NETO1: variants seen among roughly 807,000 people sequenced by gnomAD.
NETO1 encodes neuropilin and tolloid like 1.
NETO1 carries 26 observed loss-of-function variants against 61.3 expected under a neutral mutation model. The observed-to-expected ratio is 0.42, with a 90% CI of 0.31 to 0.59. The LOEUF (loss-of-function observed/expected upper bound fraction) is 0.59, where lower values mean the gene tolerates loss of function less well. Ranked by LOEUF, NETO1 falls within the 20% of genes least tolerant of loss-of-function variation. The pLI is 0.12. For synonymous variants in NETO1, 225 were observed against 225.8 expected (o/e 1.00, Z 0.03); for missense variants, 531 against 662.8 (o/e 0.80, Z 2.18).
At chr18:72,851,067 G>A (rs144254465) in intron 4 of NETO1, among the ~76,000 whole-genome samples, 444 of 152,254 alleles carry the variant, frequency 2.9e-3, no homozygotes, top group African/African-American at 9.8e-3. Flanking sequence ...GAAAGGAACC[G>A]GCATCACAGG....
intron 3 of NETO1, 123 bp downstream of exon 3, chr18:72,864,685 T>G (rs951974881): frequency 8.0e-7 from 1 of 1,242,770 alleles, no homozygotes; most frequent in Admixed American, 2.2e-5. Context: ...ACTCAAGAGA[T>G]ATTTTTGCGC....
At position 72,867,205 on chromosome 18, in the gene NETO1, G is replaced by A. The variant is rs1015110069; in HGVS notation, c.28+59C>T. ...GGCTTTTCCTGCGCGTTCGGCCCCG[G>A]GAAAGGGGCGGGAGGGCTGGCTCCG... On this transcript the variant is annotated intron_variant, in intron 1 of 10. Transcript: ENST00000327305. 79 of 1,357,040 alleles carry A rather than the reference G, an allele frequency of 5.8e-5. No individual in the cohort carries two copies. In the Admixed American group the frequency reaches 1.7e-3, roughly 29 times the overall value. 84.1% of individuals were successfully genotyped at this position (1,357,040 alleles called of 1,614,324 possible).
chr18:72,821,571 A>AAAAC (rs1555693464), intron 4 of NETO1, among the ~76,000 whole-genome samples: 55 of 150,652 alleles, frequency 3.7e-4, no homozygotes, highest in African/African-American at 1.1e-3. Context: ...AAAAAAAAAA[A>AAAAC]AAAAAAGGAA....
intron 4 of NETO1, among the ~76,000 whole-genome samples, chr18:72,858,273 C>T (rs2074465130): frequency 6.6e-6 from 1 of 152,138 alleles, no homozygotes; most frequent in South Asian, 2.1e-4. Flanking sequence ...CACACAATTT[C>T]TGCAAGACCT....
chr18:72,748,435 G>A, intron 10 of NETO1: 1 of 277,546 alleles, frequency 3.6e-6, no homozygotes, highest in Non-Finnish European at 5.5e-6. Context: ...TGGGATTAAT[G>A]AAACCTTTTG....
intron 1 of NETO1, among the ~76,000 whole-genome samples, chr18:72,866,355 T>G (rs2074732068): frequency 6.6e-6 from 1 of 152,204 alleles, no homozygotes; most frequent in African/African-American, 2.4e-5. Flanking sequence ...TGTGTTACTT[T>G]ATGCTCTAGC....
intron 4 of NETO1, among the ~76,000 whole-genome samples, chr18:72,852,494 C>T (rs8094708): frequency 0.16 from 23,643 of 152,172 alleles, 2,846 homozygotes; most frequent in African/African-American, 0.32. Flanking sequence ...GGATTACAGG[C>T]GTGAGCCACC....
At chr18:72,786,935 G>A (rs73469685) in intron 6 of NETO1, among the ~76,000 whole-genome samples, 2,555 of 151,084 alleles carry the variant, frequency 0.017, 66 homozygotes, top group African/African-American at 0.058. Flanking sequence ...AACAAAAAAG[G>A]CTGGAGCAAA....
At position 72,745,673 on chromosome 18, in the gene NETO1, G is replaced by A. The variant is rs919826154; in HGVS notation, c.*2506C>T. ...TAAGGTCTGATATAGCTACTAAATC[G>A]TTTTTGATATATTGACAAATTTCAA... On this transcript the variant is annotated 3_prime_UTR_variant, in exon 11 of 11. Coordinates refer to ENST00000327305, the MANE Select transcript of NETO1 (RefSeq NM_138966.5). The A allele has an allele frequency of 3.3e-5, 5 of 152,116 alleles. No homozygotes were observed. The highest frequency in any genetic ancestry group is 9.7e-5 in the African/African-American group (4 of 41,434). 9.4% of individuals were successfully genotyped at this position (152,116 alleles called of 1,614,324 possible). A position where few individuals can be genotyped will look rare whatever the true frequency, so the allele number is the denominator to read the frequency against.
At chr18:72,792,205 G>A (rs1184252298) in intron 6 of NETO1, among the ~76,000 whole-genome samples, 1 of 152,120 alleles carries the variant, frequency 6.6e-6, no homozygotes, top group African/African-American at 2.4e-5. Context: ...GCCGATGTGG[G>A]CAGATCACCT....
Position 72,790,760 on chromosome 18 carries a change from C to T in NETO1, c.639+3357G>A, listed in dbSNP as rs1454362361. Reference sequence around the variant, plus strand: ...CTTAATCCTGTTTCATGTGACAGTCCTTCAAATGTTTGAAGATTGCTGCCA... The same window carrying T: ...CTTAATCCTGTTTCATGTGACAGTCTTTCAAATGTTTGAAGATTGCTGCCA... On this transcript the variant is annotated intron_variant, in intron 6 of 10. Coordinates refer to ENST00000327305, the MANE Select transcript of NETO1 (RefSeq NM_138966.5). 3.3e-5 allele frequency among the ~76,000 whole-genome samples: 5 copies of T among 152,136 alleles called. No individual in the cohort carries two copies. In the East Asian group the frequency reaches 9.6e-4, roughly 29 times the overall value.
At chr18:72,853,992 G>A (rs148764955) in intron 4 of NETO1, among the ~76,000 whole-genome samples, 3,003 of 152,066 alleles carry the variant, frequency 0.02, 100 homozygotes, top group African/African-American at 0.066. Flanking sequence ...GAAAAATATT[G>A]CACCGAATAT....
In NETO1 at chr18:72,755,151, A is replaced by C. The variant is rs189227051; in HGVS notation, c.982+883T>G. The stretch of plus-strand genomic sequence containing the variant: ...ATAGGGCAAAACAAAGCCAGTGGTG[A>C]CCACGAATTATTAACAGGTCTGCAA... On this transcript the variant is annotated intron_variant, in intron 8 of 10. Coordinates refer to ENST00000327305, the MANE Select transcript of NETO1 (RefSeq NM_138966.5). Among the ~76,000 whole-genome samples, 1,383 of 152,346 alleles carry C rather than the reference A, an allele frequency of 9.1e-3. 16 individuals carry two copies. Among genetic ancestry groups the C allele is most frequent in the African/African-American group, 0.031 (1,302 of 41,584 alleles).
At chr18:72,821,924 TAC>T (rs1028654983) in intron 4 of NETO1, among the ~76,000 whole-genome samples, 1 of 152,200 alleles carries the variant, frequency 6.6e-6, no homozygotes, top group Non-Finnish European at 1.5e-5. Flanking sequence ...TCAACTGGGT[TAC>T]AGACTTGGCT....
intron 4 of NETO1, among the ~76,000 whole-genome samples, chr18:72,798,981 C>T (rs143698635): frequency 2.3e-3 from 354 of 152,270 alleles, no homozygotes; most frequent in African/African-American, 8.2e-3. Flanking sequence ...ACAACTTCAG[C>T]GTTATTTAAA....
intron 7 of NETO1, among the ~76,000 whole-genome samples, chr18:72,769,688 A>G (rs990477701): frequency 3.9e-5 from 6 of 152,162 alleles, no homozygotes; most frequent in African/African-American, 1.4e-4. Flanking sequence ...TATATAATAG[A>G]TGACATGTAT....
intron 3 of NETO1, among the ~76,000 whole-genome samples, chr18:72,860,967 C>T (rs557077050): frequency 1.3e-5 from 2 of 152,194 alleles, no homozygotes; most frequent in South Asian, 2.1e-4. Flanking sequence ...CAAATTATTT[C>T]GGATTGTAGG....
chr18:72,757,636 A>G (rs1312698117), intron 7 of NETO1, among the ~76,000 whole-genome samples: 2 of 152,166 alleles, frequency 1.3e-5, no homozygotes, highest in Admixed American at 6.5e-5. Context: ...AAAAAAAAGT[A>G]TCACGCTTAA....
intron 7 of NETO1, among the ~76,000 whole-genome samples, chr18:72,780,783 T>C (rs1395111942): frequency 6.6e-6 from 1 of 152,180 alleles, no homozygotes; most frequent in African/African-American, 2.4e-5. Context: ...AGTTATCACA[T>C]TTTGAACAAC....
Sources: gnomAD v4.1 joint callset for allele counts (sites outside exome capture counted in the v4.1 genomes callset) on GRCh38, gnomAD v4.1.1 for gene constraint, MANE v1.5 for transcripts, NCBI Gene and HGNC (gene_info 2026-07-23, HGNC 2026-07-21) for gene names.